Variants in EPG5 observed in about 807,000 individuals in gnomAD.
EPG5 encodes ectopic P-granules 5 autophagy tethering factor, also known as ectopic P granules protein 5 homolog.
EPG5 carries 159 observed loss-of-function variants against 302.7 expected under a neutral mutation model. The observed-to-expected ratio is 0.53, with a 90% CI of 0.46 to 0.60. EPG5 has a LOEUF of 0.60. Ranked by LOEUF, EPG5 falls within the 20% of genes least tolerant of loss-of-function variation. The pLI, the probability that EPG5 is intolerant of heterozygous loss-of-function variation, is 0.00. For missense variants in EPG5, 2,896 were observed against 3,092.4 expected (o/e 0.94, Z 1.51); for synonymous variants, 1,158 against 1,136.8 (o/e 1.02, Z -0.37).
the EPG5 span, among the ~76,000 whole-genome samples, chr18:45,830,390 T>C: frequency 1.8e-3 from 275 of 152,242 alleles, 2 homozygotes; most frequent in Non-Finnish European, 7.8e-4. Context: ...ATGATTGCAA[T>C]GATGTGAGAG....
At chr18:45,831,191 G>A in the EPG5 span, among the ~76,000 whole-genome samples, 64 of 152,280 alleles carry the variant, frequency 4.2e-4, no homozygotes, top group South Asian at 6.2e-4. Flanking sequence ...GCCTCGGGCC[G>A]TCTCTGTGTC....
rs763947617 is a variant in EPG5, at chr18:45,882,388, C to G, written c.5404G>C (p.Glu1802Gln). Residue 1802 changes from glutamate (E) to glutamine (Q), a missense_variant, in exon 31 of 44, where the codon GAA becomes CAA. Around this residue, in one of 5 missense-constraint regions of EPG5, gnomAD observed 790 missense variants for 798.0 expected, o/e 0.99. Transcript: ENST00000282041. ...GGCATCAAAATATCCTCATCTGGTT[C>G]AAGGCCCCAGGCAGTAAGTGCCAAG... ...IHLALTAWGLEPDEDILMPFN... is the reference protein window; with the variant it reads ...IHLALTAWGLQPDEDILMPFN... The G allele has an allele frequency of 6.2e-7, 1 of 1,614,206 alleles. No homozygotes were observed. Among genetic ancestry groups the G allele is most frequent in the South Asian group, 1.1e-5 (1 of 91,084 alleles).
At chr18:45,826,256 G>C in the EPG5 span, among the ~76,000 whole-genome samples, 5 of 152,236 alleles carry the variant, frequency 3.3e-5, no homozygotes, top group African/African-American at 1.2e-4. Context: ...GAGGGATAGA[G>C]GCCCTCCCAG....
At chr18:45,934,720 T>C in intron 11 of EPG5, 89 bp downstream of exon 11, 4 of 1,429,578 alleles carry the variant, frequency 2.8e-6, no homozygotes, top group Non-Finnish European at 3.8e-6. Context: ...ACATTTTCTC[T>C]TAGTCCTTCT....
chr18:45,910,506 A>C lies in EPG5; in HGVS notation c.4205+15T>G. ...CTGCAAACAACAATGTAGGTGGCTA[A>C]ATAACCATACTCACCTCACCAGCTC... On this transcript the variant is annotated intron_variant, in intron 23 of 43. Coordinates refer to ENST00000282041, the MANE Select transcript of EPG5 (RefSeq NM_020964.3). 1.3e-6 allele frequency: 2 copies of C among 1,573,106 alleles called. No individual in the cohort carries two copies. The highest frequency in any genetic ancestry group is 1.7e-6 in the Non-Finnish European group (2 of 1,160,122).
At chr18:45,909,381 G>T (rs1283373488) in intron 23 of EPG5, among the ~76,000 whole-genome samples, 1 of 152,178 alleles carries the variant, frequency 6.6e-6, no homozygotes, top group Non-Finnish European at 1.5e-5. Context: ...TTAAAAATAA[G>T]TTCTCCTTCA....
chr18:45,860,269 T>C lies in EPG5; in HGVS notation c.6844A>G (p.Ile2282Val), dbSNP rs781691565. The C allele has an allele frequency of 4.3e-6, 7 of 1,614,240 alleles. No individual in the cohort carries two copies. The highest frequency in any genetic ancestry group is 1.7e-5 in the Admixed American group (1 of 60,024). ...EVLMMMNNAT[I>V]PTAEFLRGSI... ...CCCCGAAGGAACTCTGCTGTTGGAA[T>C]AGTCGCGTTGTTCATCATCATCAGG... Residue 2282 changes from isoleucine (I) to valine (V), a missense_variant, in exon 40 of 44, where the codon ATT (isoleucine) becomes GTT (valine). Transcript: ENST00000282041.
chr18:45,944,702 C>T (rs1029558157), intron 7 of EPG5, among the ~76,000 whole-genome samples: 6 of 152,054 alleles, frequency 3.9e-5, no homozygotes, highest in African/African-American at 1.4e-4. Flanking sequence ...TTGCAGTGAG[C>T]CGAGATCACA....
At chr18:45,842,453 G>A in the EPG5 span, 1 of 479,062 alleles carries the variant, frequency 2.1e-6, no homozygotes, top group Admixed American at 3.3e-5. Flanking sequence ...GAGAGAGAGA[G>A]AGAGAGAGTA....
Position 45,952,554 on chromosome 18 carries a change from C to G in EPG5, c.1098G>C (p.Lys366Asn). 1 of 1,614,112 alleles carries G rather than the reference C, an allele frequency of 6.2e-7. No homozygotes were observed. Among genetic ancestry groups the G allele is most frequent in the Non-Finnish European group, 8.5e-7 (1 of 1,180,012 alleles). Residue 366 changes from lysine to asparagine, a missense_variant, in exon 3 of 44, where the codon AAG becomes AAC. Around this residue, in one of 5 missense-constraint regions of EPG5, gnomAD observed 1,390 missense variants for 1,430.0 expected, o/e 0.97. Transcript: ENST00000282041. ...GGTGCTCAGATTTGGCATCGAATAGCTTCTTTAGCTCCACCAGTGCATTTT... is the reference window on the plus strand; with the variant it reads ...GGTGCTCAGATTTGGCATCGAATAGGTTCTTTAGCTCCACCAGTGCATTTT... ...MNENALVELK[K>N]LFDAKSEHLH...
downstream of EPG5, among the ~76,000 whole-genome samples, chr18:45,846,033 G>A (rs545101239): frequency 2.4e-4 from 36 of 152,310 alleles, no homozygotes; most frequent in South Asian, 5.0e-3. Flanking sequence ...GGTCAGACAG[G>A]ACAAGAGAGC....
chr18:45,879,322 G>C (rs2145396079), intron 32 of EPG5, 108 bp from the exon 33 acceptor site: 2 of 728,574 alleles, frequency 2.7e-6, no homozygotes. Context: ...CTTTATAAGA[G>C]AGTGGCAAAA....
At chr18:45,894,067 C>T (rs1462546573) in intron 27 of EPG5, among the ~76,000 whole-genome samples, 1 of 152,104 alleles carries the variant, frequency 6.6e-6, no homozygotes, top group Non-Finnish European at 1.5e-5. Context: ...AATCTAGTAA[C>T]AGCATAGAAC....
At chr18:45,829,950 A>G in the EPG5 span, among the ~76,000 whole-genome samples, 1 of 152,136 alleles carries the variant, frequency 6.6e-6, no homozygotes. Context: ...CCCTCTGGCC[A>G]TTATTCCACC....
At position 45,967,236 on chromosome 18, in the gene EPG5, C is replaced by T; in HGVS notation, c.4G>A (p.Ala2Thr). The T allele has an allele frequency of 6.3e-7, 1 of 1,597,750 alleles. No homozygotes were observed. Among genetic ancestry groups the T allele is most frequent in the South Asian group, 1.1e-5 (1 of 88,592 alleles). M[A>T]EAVKPQRRAK... ...CGGCGCTGGGGCTTCACCGCCTCGGCCATAGACCCTTCCGCGGCGCCGTCA... is the reference window on the plus strand; with the variant it reads ...CGGCGCTGGGGCTTCACCGCCTCGGTCATAGACCCTTCCGCGGCGCCGTCA... The change falls in exon 1 of 44, where the codon GCC becomes ACC. Residue 2 changes from alanine to threonine, a missense_variant. Around this residue, in one of 5 missense-constraint regions of EPG5, gnomAD observed 1,390 missense variants for 1,430.0 expected, o/e 0.97. Coordinates refer to ENST00000282041, the MANE Select transcript of EPG5 (RefSeq NM_020964.3).
At chr18:45,805,101 T>G in the EPG5 span, among the ~76,000 whole-genome samples, 1 of 151,984 alleles carries the variant, frequency 6.6e-6, no homozygotes, top group Non-Finnish European at 1.5e-5. Context: ...AGAAAAAACA[T>G]TAATATGTAA....
rs1329244506 is a variant in EPG5, at chr18:45,922,510, G to GT, written c.2928dup (p.Leu977ThrfsTer23). ...TGTATTCCATAATCGTTTTTGTGCA[G>GT]TTTTAGCCTCAAGATTAAATTCCAG... On this transcript the variant is annotated frameshift_variant, in exon 16 of 44. Coordinates refer to ENST00000282041, the MANE Select transcript of EPG5 (RefSeq NM_020964.3). LOFTEE classifies it high-confidence loss of function. 1 of 1,614,114 alleles carries GT rather than the reference G, an allele frequency of 6.2e-7. No homozygotes were observed. The highest frequency in any genetic ancestry group is 8.5e-7 in the Non-Finnish European group (1 of 1,180,046).
chr18:45,845,335 G>A (rs1052280036), downstream of EPG5, among the ~76,000 whole-genome samples: 2 of 152,168 alleles, frequency 1.3e-5, no homozygotes, highest in Admixed American at 6.5e-5. Flanking sequence ...GAGGAGGGTC[G>A]GCCAGCTGGC....
At chr18:45,935,666 C>G (rs538315294) in intron 10 of EPG5, among the ~76,000 whole-genome samples, 154 of 152,318 alleles carry the variant, frequency 1.0e-3, no homozygotes, top group African/African-American at 3.4e-3. Flanking sequence ...ATGTGTGTGT[C>G]TGAGCACACA....
Sources: gnomAD v4.1 joint callset for allele counts (sites outside exome capture counted in the v4.1 genomes callset) on GRCh38, gnomAD v4.1.1 for gene constraint, gnomAD v4.1.1 regional missense constraint, MANE v1.5 for transcripts, NCBI Gene and HGNC (gene_info 2026-07-23, HGNC 2026-07-21) for gene names.